OTOGL: variants seen among roughly 807,000 people sequenced by gnomAD.
OTOGL encodes the protein otogelin-like protein.
OTOGL carries 285 observed loss-of-function variants against 318.5 expected under a neutral mutation model. The ratio of observed to expected loss-of-function variants is 0.89; its 90% CI spans 0.81 to 0.99. OTOGL has a LOEUF of 0.99. Among genes scored for constraint, OTOGL ranks in the 50% least tolerant of loss-of-function variants. The probability of loss-of-function intolerance (pLI) is 0.00; values close to 1 mark genes in which losing one functional copy is unlikely to be tolerated. For synonymous variants in OTOGL, 987 were observed against 936.5 expected (o/e 1.05, Z -0.99); for missense variants, 2,899 against 2,845.6 (o/e 1.02, Z -0.43).
intron 1 of OTOGL, among the ~76,000 whole-genome samples, chr12:80,114,014 C>T (rs765890027): frequency 4.6e-5 from 7 of 152,062 alleles, no homozygotes; most frequent in South Asian, 2.1e-4. Context: ...TGTCTTTGCA[C>T]GTGAGATGGG....
At chr12:80,230,580 C>T (rs551873140) in intron 8 of OTOGL, among the ~76,000 whole-genome samples, 2 of 152,152 alleles carry the variant, frequency 1.3e-5, no homozygotes, top group African/African-American at 2.4e-5. Context: ...AAAGGAGAAA[C>T]ATAATATTTA....
At chr12:80,178,312 C>T (rs370447238) in intron 1 of OTOGL, among the ~76,000 whole-genome samples, 6 of 151,932 alleles carry the variant, frequency 3.9e-5, no homozygotes, top group East Asian at 1.9e-4. Flanking sequence ...CCGCCTGCCT[C>T]GACCTCCCAA....
chr12:80,367,081 A>G (rs934078898), intron 53 of OTOGL, among the ~76,000 whole-genome samples: 1 of 151,270 alleles, frequency 6.6e-6, no homozygotes, highest in Admixed American at 6.6e-5. Context: ...GGCTCAGGCA[A>G]TCCTTCCACC....
intron 11 of OTOGL, among the ~76,000 whole-genome samples, chr12:80,249,692 C>A (rs1373655484): frequency 2.0e-5 from 3 of 152,062 alleles, no homozygotes; most frequent in Non-Finnish European, 4.4e-5. Flanking sequence ...GTGGGCTCCA[C>A]CCAGTTCGAG....
chr12:80,246,374 G>T (rs879772244), intron 11 of OTOGL, among the ~76,000 whole-genome samples: 2 of 141,766 alleles, frequency 1.4e-5, no homozygotes, highest in Admixed American at 6.9e-5. Context: ...TAGCATGAAG[G>T]GTTGTTGAAT....
chr12:80,117,483 T>C (rs1870238478), intron 1 of OTOGL, among the ~76,000 whole-genome samples: 1 of 152,176 alleles, frequency 6.6e-6, no homozygotes, highest in Admixed American at 6.5e-5. Context: ...ATCTTCTAAC[T>C]CATTTCTTTC....
chr12:80,270,680 G>C (rs1268041208), intron 23 of OTOGL, among the ~76,000 whole-genome samples: 1 of 152,040 alleles, frequency 6.6e-6, no homozygotes, highest in East Asian at 1.9e-4. Context: ...GCATGGCTCT[G>C]GGACTAGTAG....
intron 1 of OTOGL, among the ~76,000 whole-genome samples, chr12:80,105,174 C>T (rs555635756): frequency 1.2e-4 from 19 of 152,194 alleles, no homozygotes; most frequent in African/African-American, 4.6e-4. Context: ...ACTAAATTAG[C>T]AATTTCCTAT....
In OTOGL at chr12:80,296,676, G is replaced by A. The variant is rs1470730; in HGVS notation, c.2929-151G>A. 1 allele frequency: 518,734 copies of A among 520,298 alleles called. 258,607 individuals are homozygous for A. The highest frequency in any genetic ancestry group is 1 in the Middle Eastern group (1,746 of 1,746). The allele number at this position is 520,298 out of a possible 1,614,324, so 32.2% of individuals were successfully genotyped here. A position where few individuals can be genotyped will look rare whatever the true frequency, so the allele number is the denominator to read the frequency against. On this transcript the variant is annotated intron_variant, in intron 26 of 58. Coordinates refer to ENST00000547103, the MANE Select transcript of OTOGL (RefSeq NM_001378609.3). ...ATATTTCTATAGACTTCTTCACATT[G>A]TTAGTTAAAAATGACTTTTTATTTT...
intron 9 of OTOGL, among the ~76,000 whole-genome samples, chr12:80,235,917 T>A (rs1052053259): frequency 6.6e-6 from 1 of 152,168 alleles, no homozygotes; most frequent in African/African-American, 2.4e-5. Flanking sequence ...TCCCATAGTA[T>A]AATAATGCAA....
intron 23 of OTOGL, 37 bp downstream of exon 23, chr12:80,270,191 C>G (rs778133489): frequency 5.9e-5 from 90 of 1,514,932 alleles, no homozygotes; most frequent in Non-Finnish European, 7.4e-5. Flanking sequence ...AATGAGGGTT[C>G]AGCTCTGATA....
At chr12:80,209,588 T>G (rs1271941947) in intron 2 of OTOGL, 78 bp downstream of exon 2, 1 of 997,438 alleles carries the variant, frequency 1.0e-6, no homozygotes, top group East Asian at 2.7e-5. Context: ...TAGTTTTCCC[T>G]TATAAAGCAC....
chr12:80,352,152 A>G, intron 44 of OTOGL, 143 bp from the exon 45 acceptor site: 1 of 699,552 alleles, frequency 1.4e-6, no homozygotes, highest in Non-Finnish European at 2.3e-6. Context: ...AATATTAAGA[A>G]TTTTTGAAAA....
intron 1 of OTOGL, among the ~76,000 whole-genome samples, chr12:80,108,860 G>GTA (rs535352301): frequency 1.5e-5 from 2 of 137,284 alleles, no homozygotes; most frequent in African/African-American, 5.5e-5. Flanking sequence ...ATATATATGT[G>GTA]TATATATATG....
chr12:80,209,586 C>T, intron 2 of OTOGL, 76 bp downstream of exon 2: 4 of 994,736 alleles, frequency 4.0e-6, no homozygotes, highest in South Asian at 1.7e-5. Context: ...AATAGTTTTC[C>T]CTTATAAAGC....
intron 11 of OTOGL, among the ~76,000 whole-genome samples, chr12:80,244,587 T>G (rs1420410593): frequency 6.7e-6 from 1 of 149,622 alleles, no homozygotes; most frequent in Non-Finnish European, 1.5e-5. Context: ...ACATTTGGGT[T>G]GGTTCCAAGT....
intron 43 of OTOGL, 59 bp from the exon 44 acceptor site, chr12:80,341,889 G>A (rs2137941994): frequency 9.0e-7 from 1 of 1,112,184 alleles, no homozygotes; most frequent in South Asian, 1.5e-5. Flanking sequence ...AACTGATTTA[G>A]TTGTGCTGTC....
At position 80,377,930 on chromosome 12, in the gene OTOGL, A is replaced by G. The variant is rs1891259273; in HGVS notation, c.6944A>G (p.Lys2315Arg). The change falls in exon 59 of 59, where the codon AAG becomes AGG. Residue 2315 changes from lysine (K) to arginine (R), a missense_variant. By Grantham distance (26) the Lys-to-Arg change is conservative. Around this residue, in one of 3 missense-constraint regions of OTOGL, gnomAD observed 289 missense variants for 304.6 expected, o/e 0.95. Transcript: ENST00000547103. The stretch of plus-strand genomic sequence containing the variant: ...ATTGAAAGTCACCTAAGATTCTGCA[A>G]GTGTTGTCGTGAAAATGGAGTACGA... The part of the protein sequence containing the change: ...INIESHLRFC[K>R]CCRENGVRNL... 1 of 1,610,776 alleles carries G rather than the reference A, an allele frequency of 6.2e-7. No individual in the cohort carries two copies. Among genetic ancestry groups the G allele is most frequent in the South Asian group, 1.1e-5 (1 of 90,544 alleles).
At chr12:80,274,329 T>G (rs1028951351) in intron 24 of OTOGL, among the ~76,000 whole-genome samples, 1 of 152,030 alleles carries the variant, frequency 6.6e-6, no homozygotes, top group Admixed American at 6.6e-5. Flanking sequence ...CTAGCTGTTA[T>G]GGAGAAAGTT....
Sources: allele counts gnomAD v4.1 joint callset (sites outside exome capture counted in the v4.1 genomes callset), GRCh38; gene constraint gnomAD v4.1.1; regional missense constraint gnomAD v4.1.1; transcripts MANE v1.5; gene names NCBI Gene and HGNC (gene_info 2026-07-23, HGNC 2026-07-21).